The following BRINP3 variants were observed in gnomAD, a reference collection of about 807,000 sequenced individuals.
BRINP3 encodes BMP/retinoic acid-inducible neural-specific protein 3.
Under a neutral mutation model 71.0 loss-of-function variants are expected in BRINP3, and 19 were observed. That is an observed-to-expected ratio of 0.27 (90% confidence interval 0.19 to 0.39). The LOEUF is 0.39. Among genes scored for constraint, BRINP3 ranks in the 10% least tolerant of loss-of-function variants. The probability of loss-of-function intolerance (pLI) is 1.00; values close to 1 mark genes in which losing one functional copy is unlikely to be tolerated. For missense variants in BRINP3, 959 were observed against 940.8 expected (o/e 1.02, Z -0.25); for synonymous variants, 380 against 337.7 (o/e 1.13, Z -1.37).
chr1:190,143,511 TG>T (rs960634710), intron 7 of BRINP3, among the ~76,000 whole-genome samples: 27 of 152,274 alleles, frequency 1.8e-4, no homozygotes, highest in Admixed American at 1.2e-3. Flanking sequence ...TTTGTGGATA[TG>T]GAAATAATAA....
At chr1:190,215,040 GTTC>G (rs1245763712) in intron 6 of BRINP3, among the ~76,000 whole-genome samples, 2 of 147,690 alleles carry the variant, frequency 1.4e-5, no homozygotes, top group East Asian at 2.0e-4. Flanking sequence ...TTATAAGTAT[GTTC>G]TTCTTTTCCA....
intron 2 of BRINP3, among the ~76,000 whole-genome samples, chr1:190,290,405 T>C (rs1663768710): frequency 6.6e-6 from 1 of 152,136 alleles, no homozygotes; most frequent in African/African-American, 2.4e-5. Flanking sequence ...TTCTCTAATC[T>C]ATGCCAGCCA....
At chr1:190,366,160 A>T (rs975105948) in intron 2 of BRINP3, among the ~76,000 whole-genome samples, 3 of 152,078 alleles carry the variant, frequency 2.0e-5, no homozygotes, top group African/African-American at 7.2e-5. Flanking sequence ...TGCTTCTATA[A>T]AGAGCTGCCT....
At chr1:190,117,643 A>G (rs566481847) in intron 7 of BRINP3, among the ~76,000 whole-genome samples, 1 of 152,066 alleles carries the variant, frequency 6.6e-6, no homozygotes, top group African/African-American at 2.4e-5. Flanking sequence ...TATATCCTCA[A>G]ATTTTAAAAA....
intron 2 of BRINP3, among the ~76,000 whole-genome samples, chr1:190,326,454 C>G (rs905113313): frequency 6.6e-6 from 1 of 152,004 alleles, no homozygotes; most frequent in Non-Finnish European, 1.5e-5. Flanking sequence ...AATCAGGAGA[C>G]CACCTACAAA....
chr1:190,354,018 A>G (rs1018925895), intron 2 of BRINP3, among the ~76,000 whole-genome samples: 13 of 151,948 alleles, frequency 8.6e-5, no homozygotes, highest in Non-Finnish European at 1.8e-4. Context: ...AAATTTCTGA[A>G]CTTAACAAGC....
At chr1:190,197,818 G>A (rs1000952068) in intron 6 of BRINP3, among the ~76,000 whole-genome samples, 1 of 152,148 alleles carries the variant, frequency 6.6e-6, no homozygotes, top group African/African-American at 2.4e-5. Flanking sequence ...TCTGGGGTCT[G>A]GAGGACTGTA....
rs74130768 is a variant in BRINP3, at chr1:190,449,452, C to T, written c.236+5203G>A. 3.7e-3 allele frequency among the ~76,000 whole-genome samples: 565 copies of T among 152,072 alleles called. 4 individuals carry two copies. The highest frequency in any genetic ancestry group is 0.013 in the African/African-American group (525 of 41,520). ...TAAGATATTTATTTCTTTCGTTTAG[C>T]TATTTTGAAAAATGTGTTACCTTCT... On this transcript the variant is annotated intron_variant, in intron 2 of 7. Transcript: ENST00000367462.
intron 2 of BRINP3, among the ~76,000 whole-genome samples, chr1:190,304,689 G>A (rs966305227): frequency 6.6e-6 from 1 of 151,898 alleles, no homozygotes; most frequent in African/African-American, 2.4e-5. Flanking sequence ...AAAGCTCCAT[G>A]TTACTGGTCT....
chr1:190,217,953 T>C lies in BRINP3; in HGVS notation c.961+8129A>G, dbSNP rs74131320. Among the ~76,000 whole-genome samples, 499 of 152,196 alleles carry C rather than the reference T, an allele frequency of 3.3e-3. 2 individuals are homozygous for C. The highest frequency in any genetic ancestry group is 0.011 in the African/African-American group (465 of 41,572). On this transcript the variant is annotated intron_variant, in intron 6 of 7. Coordinates refer to ENST00000367462, the MANE Select transcript of BRINP3 (RefSeq NM_199051.3). Reference sequence around the variant, plus strand: ...CCAATTTGCTACTAATTTAAACACATAACATGTAGTGAGCTTTGAAAATAT... The same window carrying C: ...CCAATTTGCTACTAATTTAAACACACAACATGTAGTGAGCTTTGAAAATAT...
At chr1:190,120,797 C>T (rs1351517225) in intron 7 of BRINP3, among the ~76,000 whole-genome samples, 1 of 151,980 alleles carries the variant, frequency 6.6e-6, no homozygotes, top group Non-Finnish European at 1.5e-5. Context: ...CCACGGCACC[C>T]GGCCCAAACC....
chr1:190,380,006 A>AAG (rs1459825139), intron 2 of BRINP3, among the ~76,000 whole-genome samples: 2 of 138,850 alleles, frequency 1.4e-5, no homozygotes, highest in African/African-American at 2.6e-5. Flanking sequence ...TCAAAAAAAA[A>AAG]AAAAAAGAAA....
intron 5 of BRINP3, among the ~76,000 whole-genome samples, chr1:190,230,787 A>G (rs1657899217): frequency 6.6e-6 from 1 of 151,726 alleles, no homozygotes; most frequent in Non-Finnish European, 1.5e-5. Context: ...ACTCACACAC[A>G]CACAGGCACA....
At chr1:190,302,816 G>C (rs1001032435) in intron 2 of BRINP3, 9 of 151,744 alleles carry the variant, frequency 5.9e-5, no homozygotes, top group Non-Finnish European at 8.8e-5. Context: ...TATTTAAATA[G>C]AATGCGAATA....
intron 2 of BRINP3, among the ~76,000 whole-genome samples, chr1:190,354,217 C>T (rs540865732): frequency 2.7e-4 from 41 of 151,984 alleles, no homozygotes; most frequent in South Asian, 6.2e-4. Context: ...TATTCTAATG[C>T]TTTCTCTTAG....
intron 2 of BRINP3, among the ~76,000 whole-genome samples, chr1:190,318,302 T>C (rs1666019659): frequency 6.6e-6 from 1 of 152,140 alleles, no homozygotes; most frequent in African/African-American, 2.4e-5. Context: ...ATTTTCAGCA[T>C]TGGGGGCATG....
rs564033732 is a variant in BRINP3 at position 190,358,270 on chromosome 1, G to C, written c.237-76520C>G. 3.2e-3 allele frequency among the ~76,000 whole-genome samples: 482 copies of C among 152,158 alleles called. 1 individual carries two copies. Among genetic ancestry groups the C allele is most frequent in the African/African-American group, 0.011 (463 of 41,506 alleles). ...TTTTGCAATCTACTCATCTGACAAA[G>C]GGCTAATATCCAGAATCTACAATGA... is the stretch of plus-strand genomic sequence containing the variant. On this transcript the variant is annotated intron_variant, in intron 2 of 7. Coordinates refer to ENST00000367462, the MANE Select transcript of BRINP3 (RefSeq NM_199051.3).
chr1:190,361,093 G>C (rs1289631297), intron 2 of BRINP3, among the ~76,000 whole-genome samples: 1 of 151,844 alleles, frequency 6.6e-6, no homozygotes, highest in African/African-American at 2.4e-5. Flanking sequence ...AGAATAGTGA[G>C]CAGATACATT....
intron 2 of BRINP3, among the ~76,000 whole-genome samples, chr1:190,406,634 A>G (rs1291537339): frequency 6.6e-6 from 1 of 152,148 alleles, no homozygotes; most frequent in African/African-American, 2.4e-5. Context: ...TTGTATGCTG[A>G]GAACGCAGTT....
Sources: gnomAD v4.1 joint callset for allele counts (sites outside exome capture counted in the v4.1 genomes callset) on GRCh38, gnomAD v4.1.1 for gene constraint, MANE v1.5 for transcripts, NCBI Gene and HGNC (gene_info 2026-07-23, HGNC 2026-07-21) for gene names.